Variants in PRPF18 observed in about 807,000 individuals in gnomAD.
The protein encoded by PRPF18 is pre-mRNA processing factor 18.
Under a neutral mutation model 46.5 loss-of-function variants are expected in PRPF18, and 38 were observed. That is an observed-to-expected ratio of 0.82 (90% CI 0.63 to 1.07). PRPF18 has a LOEUF of 1.07. Among genes scored for constraint, PRPF18 ranks in the 50% least tolerant of loss-of-function variants. The pLI, the probability that PRPF18 is intolerant of heterozygous loss-of-function variation, is 0.00. For synonymous variants in PRPF18, 152 were observed against 146.7 expected (o/e 1.04, Z -0.26); for missense variants, 263 against 410.0 (o/e 0.64, Z 3.10).
intron 9 of PRPF18, among the ~76,000 whole-genome samples, chr10:13,624,528 G>A (rs533256200): frequency 6.6e-6 from 1 of 152,314 alleles, no homozygotes; most frequent in African/African-American, 2.4e-5. Context: ...CCCAAGTGGG[G>A]CTCCCCGCCC....
chr10:13,624,093 T>A (rs1448041634), intron 9 of PRPF18, among the ~76,000 whole-genome samples: 1 of 152,214 alleles, frequency 6.6e-6, no homozygotes, highest in African/African-American at 2.4e-5. Context: ...CAAACACTTG[T>A]CATGCCTCAG....
At chr10:13,607,964 G>C (rs1352589155) in intron 4 of PRPF18, among the ~76,000 whole-genome samples, 3 of 152,152 alleles carry the variant, frequency 2.0e-5, no homozygotes, top group East Asian at 3.9e-4. Context: ...GTGTTGTTCA[G>C]ATCTTCTTTG....
the PRPF18 span, chr10:13,651,362 C>CT: frequency 1.3e-5 from 2 of 152,842 alleles, no homozygotes; most frequent in African/African-American, 4.8e-5. Context: ...TGATGCTGTT[C>CT]TTTTCAGGGA....
At chr10:13,642,749 AT>A in the PRPF18 span, 3 of 151,840 alleles carry the variant, frequency 2.0e-5, no homozygotes, top group Non-Finnish European at 4.4e-5. Context: ...AGTGTAGATG[AT>A]TTTGAGATGG....
intron 4 of PRPF18, among the ~76,000 whole-genome samples, chr10:13,607,547 G>T (rs1345365581): frequency 6.6e-6 from 1 of 152,146 alleles, no homozygotes; most frequent in African/African-American, 2.4e-5. Context: ...AAGTAGCTGA[G>T]ACCACAGGTG....
At chr10:13,639,793 C>T in the PRPF18 span, 2 of 152,202 alleles carry the variant, frequency 1.3e-5, no homozygotes, top group African/African-American at 4.8e-5. Flanking sequence ...CAAACCACAT[C>T]TTTCCTTTGC....
Position 13,616,361 on chromosome 10 carries a change from T to C in PRPF18, c.793-37T>C, listed in dbSNP as rs187104273. On this transcript the variant is annotated intron_variant, in intron 8 of 9. Coordinates refer to ENST00000378572, the MANE Select transcript of PRPF18 (RefSeq NM_003675.4). ...TAAGAATTTGAGCCAGTACAACATTTTCGCCTTTCTGATTTCTTCTTACAC... is the reference window on the plus strand; with the variant it reads ...TAAGAATTTGAGCCAGTACAACATTCTCGCCTTTCTGATTTCTTCTTACAC... 5.8e-6 allele frequency: 9 copies of C among 1,562,324 alleles called. No homozygotes were observed. In the Admixed American group the frequency reaches 1.5e-4, roughly 25 times the overall value.
At position 13,628,750 on chromosome 10, in the gene PRPF18, C is replaced by G. The variant is rs150541486; in HGVS notation, c.949-1510C>G. 3.1e-3 allele frequency among the ~76,000 whole-genome samples: 476 copies of G among 152,090 alleles called. 5 individuals carry two copies. The highest frequency in any genetic ancestry group is 0.01 in the Middle Eastern group (3 of 294). On this transcript the variant is annotated intron_variant, in intron 9 of 9. Coordinates refer to ENST00000378572, the MANE Select transcript of PRPF18 (RefSeq NM_003675.4). ...ATTGAGCTTAACAGGTGTTAAGTTA[C>G]GTAGATTTCAGTAAGACCTTTGGCA...
chr10:13,590,259 CA>C (rs970015044), intron 1 of PRPF18, among the ~76,000 whole-genome samples: 1 of 151,166 alleles, frequency 6.6e-6, no homozygotes, highest in African/African-American at 2.4e-5. Context: ...TTGATTTTTT[CA>C]ATCACAGAGC....
At chr10:13,606,580 C>T (rs2133529430) in intron 4 of PRPF18, among the ~76,000 whole-genome samples, 1 of 151,810 alleles carries the variant, frequency 6.6e-6, no homozygotes, top group East Asian at 1.9e-4. Context: ...ACTAAAAATA[C>T]AAAAATTAGC....
chr10:13,628,850 A>G (rs7088328), intron 9 of PRPF18, among the ~76,000 whole-genome samples: 120,788 of 152,122 alleles, frequency 0.79, 48,311 homozygotes, highest in East Asian at 0.86. Context: ...GCTGGTTACA[A>G]ACTCTTCCCA....
chr10:13,633,927 A>G (rs1263551721), downstream of PRPF18, among the ~76,000 whole-genome samples: 1 of 152,232 alleles, frequency 6.6e-6, no homozygotes, highest in Non-Finnish European at 1.5e-5. Context: ...TGTTATGGCA[A>G]CTGGTTTTCA....
downstream of PRPF18, among the ~76,000 whole-genome samples, chr10:13,632,218 G>C: frequency 6.6e-6 from 1 of 152,126 alleles, no homozygotes; most frequent in Non-Finnish European, 1.5e-5. Flanking sequence ...GCGGGTGCCT[G>C]TAGTCCCAGC....
intron 9 of PRPF18, among the ~76,000 whole-genome samples, chr10:13,629,156 G>A (rs1234958644): frequency 6.6e-6 from 1 of 152,200 alleles, no homozygotes; most frequent in East Asian, 1.9e-4. Flanking sequence ...CCAAACTGCT[G>A]TAGAGACAAA....
chr10:13,605,585 A>AAT, intron 3 of PRPF18, 46 bp from the exon 4 acceptor site: 1 of 1,498,400 alleles, frequency 6.7e-7, no homozygotes, highest in Non-Finnish European at 8.9e-7. Context: ...GTCTCAAAAA[A>AAT]AAAAAAAAAA....
chr10:13,613,972 C>T (rs2080305869), intron 7 of PRPF18, 43 bp from the exon 8 acceptor site: 6 of 1,556,664 alleles, frequency 3.9e-6, no homozygotes, highest in African/African-American at 1.4e-5. Flanking sequence ...CCCTATACAT[C>T]TATACATAGT....
intron 5 of PRPF18, among the ~76,000 whole-genome samples, chr10:13,610,889 CT>C (rs1346313379): frequency 6.6e-6 from 1 of 152,202 alleles, no homozygotes. Flanking sequence ...CAATATCTTG[CT>C]GTCTGATTTT....
the PRPF18 span, among the ~76,000 whole-genome samples, chr10:13,650,124 A>G: frequency 6.6e-6 from 1 of 152,240 alleles, no homozygotes; most frequent in African/African-American, 2.4e-5. Flanking sequence ...CAGATGGCAA[A>G]TTCACCCACA....
At chr10:13,651,985 GA>G in the PRPF18 span, 1 of 1,502,986 alleles carries the variant, frequency 6.7e-7, no homozygotes, top group Non-Finnish European at 9.3e-7. Context: ...CTGAACAAAG[GA>G]AAGCAGGAGG....
Sources: allele counts gnomAD v4.1 joint callset (sites outside exome capture counted in the v4.1 genomes callset), GRCh38; gene constraint gnomAD v4.1.1; transcripts MANE v1.5; gene names NCBI Gene and HGNC (gene_info 2026-07-23, HGNC 2026-07-21).